The following CYP4F11 variants were observed in gnomAD, a reference collection of about 807,000 sequenced individuals.
CYP4F11 encodes the protein cytochrome P450 family 4 subfamily F member 11, also known as cytochrome P450 4F11.
A neutral mutation model predicts 62.2 loss-of-function variants in CYP4F11; 79 were observed. The observed-to-expected ratio is 1.27, with a 90% CI of 1.06 to 1.53. The LOEUF (loss-of-function observed/expected upper bound fraction) is 1.53. Among genes scored for constraint, CYP4F11 ranks in the 40% most tolerant of loss-of-function variants. The pLI is 0.00. For synonymous variants in CYP4F11, 290 were observed against 263.7 expected (o/e 1.10, Z -0.97); for missense variants, 777 against 680.5 (o/e 1.14, Z -1.58).
chr19:15,915,005 A>G, intron 8 of CYP4F11, 110 bp from the exon 9 acceptor site: 4 of 1,484,132 alleles, frequency 2.7e-6, no homozygotes, highest in Non-Finnish European at 3.6e-6. Flanking sequence ...TAAATTCCAC[A>G]TGGATGAAAT....
At position 15,929,593 on chromosome 19, in the gene CYP4F11, G is replaced by A. The variant is rs2089695800; in HGVS notation, c.207C>T (p.Pro69=). ...TCAATGTCTTCATGCCCTCTTCCGT[G>A]GGAGTGACCTGAAAACAAGGCAGAG... The part of the protein sequence containing the change: ...WFWGHQGLVT[P]TEEGMKTLTQ... Residue 69 remains proline, a synonymous_variant, in exon 2 of 12, where the codon CCC becomes CCT. Transcript: ENST00000402119. 6 of 1,597,968 alleles carry A rather than the reference G, an allele frequency of 3.8e-6. No individual in the cohort carries two copies. Among genetic ancestry groups the A allele is most frequent in the African/African-American group, 1.3e-5 (1 of 74,600 alleles).
Position 15,912,691 on chromosome 19 carries a change from A to C in CYP4F11, c.*1041T>G. The C allele has an allele frequency of 2.0e-5, 1 of 50,994 alleles. No individual in the cohort carries two copies. The highest frequency in any genetic ancestry group is 4.2e-5 in the Non-Finnish European group (1 of 24,004). 3.2% of individuals were successfully genotyped at this position (50,994 alleles called of 1,614,324 possible). On this transcript the variant is annotated 3_prime_UTR_variant, in exon 12 of 12. Transcript: ENST00000402119. ...AGGAAAAAAAAAAAAATATATATAT[A>C]TATATATGTGTGTGTGTGTGTGTGT...
At chr19:15,919,676 A>G (rs541822831) in intron 8 of CYP4F11, among the ~76,000 whole-genome samples, 1 of 152,008 alleles carries the variant, frequency 6.6e-6, no homozygotes, top group South Asian at 2.1e-4. Context: ...ATCTGTTCTC[A>G]TCATTGCTTT....
rs1436096189 is a variant in CYP4F11 at position 15,912,441 on chromosome 19, A to G, written c.*1291T>C. 2.0e-5 allele frequency: 3 copies of G among 152,094 alleles called. No homozygotes were observed. Among genetic ancestry groups the G allele is most frequent in the African/African-American group, 7.2e-5 (3 of 41,420 alleles). 9.4% of individuals were successfully genotyped at this position (152,094 alleles called of 1,614,324 possible). On this transcript the variant is annotated 3_prime_UTR_variant, in exon 12 of 12. Transcript: ENST00000402119. ...AATACGATGGTCCCAAATAAAAAAT[A>G]TAATGTATTTGGAGATCAGAATCAA...
At chr19:15,918,475 C>T (rs957996830) in intron 8 of CYP4F11, among the ~76,000 whole-genome samples, 1 of 151,884 alleles carries the variant, frequency 6.6e-6, no homozygotes, top group African/African-American at 2.4e-5. Context: ...ATACTCTTGG[C>T]GAAGTTATGG....
In CYP4F11 at chr19:15,924,892, G is replaced by GA; in HGVS notation, c.526-11dup. ...GGCGCTGCCACTTGTCCTGGCCAGA[G>GA]AAAAAACAGAGCCAAAGCTGGGAAC... is the stretch of plus-strand genomic sequence containing the variant. On this transcript the variant is annotated splice_polypyrimidine_tract_variant and intron_variant, in intron 4 of 11. Transcript: ENST00000402119. 6 of 1,603,502 alleles carry GA rather than the reference G, an allele frequency of 3.7e-6. No homozygotes were observed. Among genetic ancestry groups the GA allele is most frequent in the African/African-American group, 1.3e-5 (1 of 74,448 alleles).
At chr19:15,919,401 A>AGGAT (rs1425035143) in intron 8 of CYP4F11, among the ~76,000 whole-genome samples, 1 of 144,504 alleles carries the variant, frequency 6.9e-6, no homozygotes, top group African/African-American at 2.6e-5. Flanking sequence ...GATAGGATAA[A>AGGAT]GGATGGATGG....
chr19:15,930,580 A>G (rs2089705550), intron 1 of CYP4F11, among the ~76,000 whole-genome samples: 1 of 152,170 alleles, frequency 6.6e-6, no homozygotes, highest in African/African-American at 2.4e-5. Flanking sequence ...CAACAGAGTG[A>G]GACTCTGTCT....
chr19:15,916,858 G>A (rs1568481301), intron 8 of CYP4F11, among the ~76,000 whole-genome samples: 2 of 152,272 alleles, frequency 1.3e-5, no homozygotes, highest in Admixed American at 6.5e-5. Context: ...GTGGAAAGCA[G>A]TAAGGAGATT....
chr19:15,924,749 G>A lies in CYP4F11; in HGVS notation c.647+12C>T, dbSNP rs764969446. On this transcript the variant is annotated intron_variant, in intron 5 of 11. Transcript: ENST00000402119. ...CCAGGCCCAAGTTCTCAGGTCCTAGGAAAGGACTCACTCCTGACAATTGCT... is the reference window on the plus strand; with the variant it reads ...CCAGGCCCAAGTTCTCAGGTCCTAGAAAAGGACTCACTCCTGACAATTGCT... The A allele has an allele frequency of 1.9e-6, 3 of 1,607,122 alleles. No individual in the cohort carries two copies. The highest frequency in any genetic ancestry group is 2.2e-5 in the South Asian group (2 of 91,020).
rs192873015 is a variant in CYP4F11, at chr19:15,929,115, C to T, written c.343+342G>A. On this transcript the variant is annotated intron_variant, in intron 2 of 11. Transcript: ENST00000402119. ...ACCTTGTTCTCCCAGTTGTCACACC[C>T]ATCTCCTTCTTGCCAATTCCTGACT... is the stretch of plus-strand genomic sequence containing the variant. Among the ~76,000 whole-genome samples the T allele has an allele frequency of 1.7e-3, 252 of 152,344 alleles. 1 individual carries two copies. Among genetic ancestry groups the T allele is most frequent in the African/African-American group, 4.9e-3 (205 of 41,580 alleles).
upstream of CYP4F11, chr19:15,934,845 T>G (rs1239629433): frequency 5.7e-6 from 1 of 174,782 alleles, no homozygotes; most frequent in Non-Finnish European, 1.2e-5. Flanking sequence ...CCTCTCCCCC[T>G]CTGCTAGGAG....
chr19:15,914,635 G>A lies in CYP4F11; in HGVS notation c.1281C>T (p.Ile427=), dbSNP rs891456333. Residue 427 remains isoleucine (I), a synonymous_variant, in exon 10 of 12, where the codon ATC becomes ATT. Transcript: ENST00000402119. ...CTGGCCACACAGTTGGGTTGTAATGGATCCCGATAATATTGATGAGGCAGA... is the reference window on the plus strand; with the variant it reads ...CTGGCCACACAGTTGGGTTGTAATGAATCCCGATAATATTGATGAGGCAGA... ...GIVCLINIIG[I]HYNPTVWPDP... 6.2e-7 allele frequency: 1 copy of A among 1,614,088 alleles called. No individual in the cohort carries two copies. The highest frequency in any genetic ancestry group is 2.2e-5 in the East Asian group (1 of 44,902).
chr19:15,913,692 T>G lies in CYP4F11; in HGVS notation c.*40A>C. On this transcript the variant is annotated 3_prime_UTR_variant, in exon 12 of 12. Coordinates refer to ENST00000402119, the MANE Select transcript of CYP4F11 (RefSeq NM_021187.4). The stretch of plus-strand genomic sequence containing the variant: ...AAGCAGAGGTGTCAGCATAGTTTTG[T>G]TTCTGGGACTCTACAGAGGTGGGTG... 4 of 1,612,706 alleles carry G rather than the reference T, an allele frequency of 2.5e-6. No homozygotes were observed. Among genetic ancestry groups the G allele is most frequent in the Non-Finnish European group, 3.4e-6 (4 of 1,179,110 alleles).
intron 8 of CYP4F11, 95 bp from the exon 9 acceptor site, chr19:15,914,990 C>T (rs919545176): frequency 6.6e-7 from 1 of 1,518,144 alleles, no homozygotes; most frequent in African/African-American, 1.4e-5. Flanking sequence ...CTCCCTATCA[C>T]AAAATAAATT....
At chr19:15,922,208 A>T in intron 7 of CYP4F11, 42 bp from the exon 8 acceptor site, 1 of 1,600,380 alleles carries the variant, frequency 6.2e-7, no homozygotes, top group East Asian at 2.2e-5. Context: ...GGGCTGCTTC[A>T]GCACCAGAGG....
At chr19:15,926,523 G>A (rs1712217896) in intron 4 of CYP4F11, among the ~76,000 whole-genome samples, 1 of 152,342 alleles carries the variant, frequency 6.6e-6, no homozygotes, top group Non-Finnish European at 1.5e-5. Flanking sequence ...GATGGAGACT[G>A]TTTTATGACC....
intron 8 of CYP4F11, among the ~76,000 whole-genome samples, 157 bp downstream of exon 8, chr19:15,921,880 G>C (rs971892656): frequency 6.6e-6 from 1 of 152,118 alleles, no homozygotes. Context: ...ACCATCCCCT[G>C]CTGGCCTGGC....
In CYP4F11 at chr19:15,934,440, C is replaced by T; in HGVS notation, c.-32G>A. On this transcript the variant is annotated 5_prime_UTR_variant, in exon 1 of 12. Coordinates refer to ENST00000402119, the MANE Select transcript of CYP4F11 (RefSeq NM_021187.4). ...GGGCAGACGGGATGGAGGGTGGGAT[C>T]CTGAGGCCCAGGGAAGGGCCCAGGA... The T allele has an allele frequency of 6.2e-7, 1 of 1,608,792 alleles. No individual in the cohort carries two copies. Among genetic ancestry groups the T allele is most frequent in the Non-Finnish European group, 8.5e-7 (1 of 1,178,318 alleles).
Sources: allele counts gnomAD v4.1 joint callset (sites outside exome capture counted in the v4.1 genomes callset), GRCh38; gene constraint gnomAD v4.1.1; transcripts MANE v1.5; gene names NCBI Gene and HGNC (gene_info 2026-07-23, HGNC 2026-07-21).